Variants in PRKN observed in about 807,000 individuals in gnomAD.
The protein encoded by PRKN is parkin RBR E3 ubiquitin protein ligase.
In PRKN, 56 loss-of-function variants were observed where a neutral mutation model predicts 59.5. The observed-to-expected ratio is 0.94, with a 90% CI of 0.76 to 1.18. The LOEUF is 1.18. Among genes scored for constraint, PRKN ranks in the 50% most tolerant of loss-of-function variants. The pLI, the probability that PRKN is intolerant of heterozygous loss-of-function variation, is 0.00. For missense variants in PRKN, 657 were observed against 596.4 expected (o/e 1.10, Z -1.06); for synonymous variants, 250 against 222.1 (o/e 1.13, Z -1.12).
chr6:161,712,918 A>G (rs561171383), intron 7 of PRKN, among the ~76,000 whole-genome samples: 2 of 152,262 alleles, frequency 1.3e-5, no homozygotes, highest in South Asian at 4.2e-4. Flanking sequence ...GTGGACACCA[A>G]CTGGGTATCC....
intron 6 of PRKN, among the ~76,000 whole-genome samples, chr6:161,866,654 C>T (rs1361293563): frequency 6.6e-6 from 1 of 152,116 alleles, no homozygotes; most frequent in African/African-American, 2.4e-5. Flanking sequence ...GGAGAAATGG[C>T]ACTGATGGAG....
In PRKN at chr6:162,570,791, G is replaced by T. The variant is rs536240317; in HGVS notation, c.8-127318C>A. On this transcript the variant is annotated intron_variant, in intron 1 of 11. Transcript: ENST00000366898. ...TTGAACCCATGGACATAGAGAGTAGGAGAATAGTTATCAGAGGTTGGGAAG... is the reference window on the plus strand; with the variant it reads ...TTGAACCCATGGACATAGAGAGTAGTAGAATAGTTATCAGAGGTTGGGAAG... Among the ~76,000 whole-genome samples, 7 of 152,262 alleles carry T rather than the reference G, an allele frequency of 4.6e-5. No homozygotes were observed. In the East Asian group the frequency reaches 9.7e-4, roughly 21 times the overall value.
intron 5 of PRKN, among the ~76,000 whole-genome samples, chr6:162,044,402 C>A (rs1003957960): frequency 6.6e-6 from 1 of 152,210 alleles, no homozygotes; most frequent in Non-Finnish European, 1.5e-5. Flanking sequence ...TGCAGGAGCT[C>A]CTCCCTGCTA....
chr6:161,884,598 T>C (rs1795062356), intron 6 of PRKN, among the ~76,000 whole-genome samples: 1 of 152,200 alleles, frequency 6.6e-6, no homozygotes, highest in Admixed American at 6.5e-5. Context: ...GGTGATTCTT[T>C]TATCAAGTAA....
rs749381583 is a variant in PRKN, at chr6:161,527,483, A to C, written c.1083+21371T>G. Among the ~76,000 whole-genome samples the C allele has an allele frequency of 5.3e-5, 8 of 152,176 alleles. No individual in the cohort carries two copies. Among genetic ancestry groups the C allele is most frequent in the Non-Finnish European group, 8.8e-5 (6 of 68,034 alleles). On this transcript the variant is annotated intron_variant, in intron 9 of 11. Coordinates refer to ENST00000366898, the MANE Select transcript of PRKN (RefSeq NM_004562.3). The surrounding 1 kb of genome is among the most constrained non-coding windows in gnomAD (Gnocchi z 4.6). The stretch of plus-strand genomic sequence containing the variant: ...ACAACCTGCTGGATGCTATGCCCAC[A>C]TGAGGGAGGGGTGCCTTCTAATTCA...
rs60391138 is a variant in PRKN, at chr6:162,560,853, C to CAA, written c.8-117382_8-117381dup. Among the ~76,000 whole-genome samples the CAA allele has an allele frequency of 1.8e-4, 10 of 56,504 alleles. 2 individuals carry two copies. Among genetic ancestry groups the CAA allele is most frequent in the Non-Finnish European group, 2.8e-4 (9 of 32,692 alleles). 37.1% of individuals were successfully genotyped at this position (56,504 alleles called of 152,430 possible). A position where few individuals can be genotyped will look rare whatever the true frequency, so the allele number is the denominator to read the frequency against. ...CAATTAAAGCCCAGAGAGAGAGAGG[C>CAA]AAAAAAAAAAAAAACCCAGGTCATT... is the stretch of plus-strand genomic sequence containing the variant. On this transcript the variant is annotated intron_variant, in intron 1 of 11. Transcript: ENST00000366898.
intron 3 of PRKN, among the ~76,000 whole-genome samples, chr6:162,257,370 GACT>G (rs974318261): frequency 5.9e-5 from 9 of 151,942 alleles, no homozygotes; most frequent in Admixed American, 5.9e-4. Flanking sequence ...TTTAAAATCT[GACT>G]ACTTGGCTGA....
intron 7 of PRKN, among the ~76,000 whole-genome samples, chr6:161,680,104 G>T (rs898237622): frequency 2.0e-5 from 3 of 152,112 alleles, no homozygotes; most frequent in Non-Finnish European, 4.4e-5. Context: ...TGGCCTTGTT[G>T]CTGGGCAAAG....
chr6:162,321,132 C>G (rs1783004328), intron 2 of PRKN, among the ~76,000 whole-genome samples: 1 of 151,758 alleles, frequency 6.6e-6, no homozygotes. Context: ...TCTTGTCAGG[C>G]TGATCAGGAA....
At chr6:161,558,236 C>T (rs1780315381) in intron 8 of PRKN, among the ~76,000 whole-genome samples, 1 of 152,074 alleles carries the variant, frequency 6.6e-6, no homozygotes, top group South Asian at 2.1e-4. Flanking sequence ...TTCCACAATA[C>T]CCAGCTGCCT....
rs557904628 is a variant in PRKN at position 161,896,582 on chromosome 6, T to C, written c.734+76720A>G. 3.8e-4 allele frequency among the ~76,000 whole-genome samples: 58 copies of C among 152,138 alleles called. 2 individuals carry two copies. The South Asian group carries it at 0.011, about 30-fold the overall frequency. ...CCCAAACCCATAACCCACACAATGA[T>C]AAGGCAATAGATAAGGAAAACACGG... On this transcript the variant is annotated intron_variant, in intron 6 of 11. Transcript: ENST00000366898.
Position 161,800,710 on chromosome 6 carries a change from G to A in PRKN, c.735-14802C>T, listed in dbSNP as rs150457740. On this transcript the variant is annotated intron_variant, in intron 6 of 11. Coordinates refer to ENST00000366898, the MANE Select transcript of PRKN (RefSeq NM_004562.3). The stretch of plus-strand genomic sequence containing the variant: ...CTGATATCTTCAACAGGGGAGTGAC[G>A]GCACTGGGGGACAAAAGTGGGAGGT... 9.5e-4 allele frequency among the ~76,000 whole-genome samples: 145 copies of A among 152,242 alleles called. 1 individual carries two copies. In the East Asian group the frequency reaches 9.7e-3, roughly 10 times the overall value.
chr6:161,849,244 C>G (rs1039556025), intron 6 of PRKN, among the ~76,000 whole-genome samples: 1 of 152,126 alleles, frequency 6.6e-6, no homozygotes, highest in East Asian at 1.9e-4. Context: ...GCGTGACGGA[C>G]CCCCACGCCT....
chr6:162,291,614 T>C (rs971939601), intron 2 of PRKN, among the ~76,000 whole-genome samples: 1 of 152,158 alleles, frequency 6.6e-6, no homozygotes, highest in Non-Finnish European at 1.5e-5. Flanking sequence ...AGAAGGATTC[T>C]TGAGCCAAAC....
Position 161,798,330 on chromosome 6 carries a change from C to G in PRKN, c.735-12422G>C, listed in dbSNP as rs9295166. Among the ~76,000 whole-genome samples, 1,049 of 152,208 alleles carry G rather than the reference C, an allele frequency of 6.9e-3. 15 individuals are homozygous for G. Among genetic ancestry groups the G allele is most frequent in the African/African-American group, 0.024 (989 of 41,512 alleles). On this transcript the variant is annotated intron_variant, in intron 6 of 11. Transcript: ENST00000366898. ...ACATGGGATGCAGCTGGTGGTTGAGCGAGGTTTGTAAAGAGCCCTAGGAGG... is the reference window on the plus strand; with the variant it reads ...ACATGGGATGCAGCTGGTGGTTGAGGGAGGTTTGTAAAGAGCCCTAGGAGG...
At chr6:161,733,800 A>ATATATATATACG (rs1787842166) in intron 7 of PRKN, among the ~76,000 whole-genome samples, 2 of 39,922 alleles carry the variant, frequency 5.0e-5, no homozygotes, top group African/African-American at 1.5e-4. Context: ...ATATATATGT[A>ATATATATATACG]TATATATATA....
Position 161,461,281 on chromosome 6 carries a change from A to G in PRKN, c.1084-74404T>C, listed in dbSNP as rs182846165. ...CCCGGAAATGGTTCAACATGAGTTA[A>G]GTATAAGGTGTCGCTGGAGATGAGG... On this transcript the variant is annotated intron_variant, in intron 9 of 11. Coordinates refer to ENST00000366898, the MANE Select transcript of PRKN (RefSeq NM_004562.3). The surrounding 1 kb of genome is among the most constrained non-coding windows in gnomAD (Gnocchi z 5.1). Among the ~76,000 whole-genome samples the G allele has an allele frequency of 1.3e-5, 2 of 152,200 alleles. No individual in the cohort carries two copies. Among genetic ancestry groups the G allele is most frequent in the Admixed American group, 1.3e-4 (2 of 15,272 alleles).
chr6:161,936,561 G>A (rs945289789), intron 6 of PRKN, among the ~76,000 whole-genome samples: 4 of 151,820 alleles, frequency 2.6e-5, no homozygotes, highest in Admixed American at 6.6e-5. Flanking sequence ...CTTTATGGAG[G>A]GCCAAATAAA....
chr6:162,541,597 T>C (rs1188156357), intron 1 of PRKN, among the ~76,000 whole-genome samples: 2 of 152,174 alleles, frequency 1.3e-5, no homozygotes, highest in African/African-American at 2.4e-5. Context: ...GGGATTAAGA[T>C]TTCTTAGTTT....
Sources: gnomAD v4.1 joint callset for allele counts (sites outside exome capture counted in the v4.1 genomes callset) on GRCh38, gnomAD v4.1.1 for gene constraint, Gnocchi (gnomAD v3.1) non-coding constraint, MANE v1.5 for transcripts, NCBI Gene and HGNC (gene_info 2026-07-23, HGNC 2026-07-21) for gene names.